The following SLC17A5 variants were observed in gnomAD, a reference collection of about 807,000 sequenced individuals.
SLC17A5 encodes solute carrier family 17 member 5, also known as sialin.
In SLC17A5, 47 loss-of-function variants were observed where a neutral mutation model predicts 59.4. The ratio of observed to expected loss-of-function variants is 0.79; its 90% CI spans 0.63 to 1.01. SLC17A5 has a LOEUF of 1.01. SLC17A5 is among the 50% of genes least tolerant of loss of function. The pLI, the probability that SLC17A5 is intolerant of heterozygous loss-of-function variation, is 0.00. For synonymous variants in SLC17A5, 202 were observed against 210.7 expected, an observed-to-expected ratio of 0.96 and a Z score of 0.36; for missense variants, 522 against 595.5, an observed-to-expected ratio of 0.88 and a Z score of 1.28.
Position 73,621,941 on chromosome 6 carries a change from G to A in SLC17A5, c.841C>T (p.Pro281Ser), listed in dbSNP as rs748755467. Residue 281 changes from proline to serine, a missense_variant, in exon 7 of 11, where the codon CCG (proline) becomes TCG (serine). This residue lies in a region of SLC17A5 where 338 missense variants were observed against 363.8 expected (regional missense o/e 0.93). Transcript: ENST00000355773. Reference protein sequence around the residue: ...RNQLSSQKSVPWVPILKSLPL... With the variant: ...RNQLSSQKSVSWVPILKSLPL... ...AGGGATTTTAAAATGGGTACCCACG[G>A]CACTGACTTCTGTGAAGAAAGCTGA... The A allele has an allele frequency of 6.2e-7, 1 of 1,613,998 alleles. No homozygotes were observed. The highest frequency in any genetic ancestry group is 8.5e-7 in the Non-Finnish European group (1 of 1,179,938).
At chr6:73,615,239 T>G in intron 8 of SLC17A5, 76 bp downstream of exon 8, 2 of 1,525,572 alleles carry the variant, frequency 1.3e-6, no homozygotes, top group Non-Finnish European at 1.8e-6. Flanking sequence ...GAAACACACT[T>G]TGTTTTCCTA....
At chr6:73,621,031 G>A (rs146822454) in intron 7 of SLC17A5, among the ~76,000 whole-genome samples, 2,211 of 133,376 alleles carry the variant, frequency 0.017, 71 homozygotes, top group African/African-American at 0.064. Context: ...TTGAGATGGA[G>A]TTTCACTCTT....
chr6:73,596,574 C>T (rs570475602), intron 10 of SLC17A5, among the ~76,000 whole-genome samples: 5 of 152,294 alleles, frequency 3.3e-5, no homozygotes, highest in Admixed American at 1.3e-4. Flanking sequence ...AAGAAACACA[C>T]GGCCGGGCGT....
At chr6:73,607,840 A>G (rs1251862547) in intron 9 of SLC17A5, among the ~76,000 whole-genome samples, 1 of 148,512 alleles carries the variant, frequency 6.7e-6, no homozygotes, top group African/African-American at 2.5e-5. Context: ...ACAGTGGCAC[A>G]ATCTTGGCTC....
intron 6 of SLC17A5, among the ~76,000 whole-genome samples, chr6:73,632,434 C>CTTTCT (rs1768783710): frequency 1.2e-5 from 1 of 86,766 alleles, no homozygotes; most frequent in Non-Finnish European, 2.3e-5. Context: ...GTAGAGAAAG[C>CTTTCT]TTTTTTTTTT....
intron 1 of SLC17A5, chr6:73,645,388 T>G (rs867849489): frequency 4.1e-6 from 4 of 985,224 alleles, no homozygotes; most frequent in Middle Eastern, 5.2e-4. Flanking sequence ...GAAGCAAACT[T>G]GCAGAACCTA....
chr6:73,630,822 G>A (rs1768667382), intron 6 of SLC17A5, among the ~76,000 whole-genome samples: 2 of 152,084 alleles, frequency 1.3e-5, no homozygotes, highest in South Asian at 2.1e-4. Flanking sequence ...GAAGGCGGGC[G>A]GATCACCTGA....
chr6:73,616,546 T>TACACACACACACACAC (rs56306141), intron 7 of SLC17A5, among the ~76,000 whole-genome samples: 17 of 126,336 alleles, frequency 1.3e-4, no homozygotes, highest in African/African-American at 5.4e-4. Context: ...GTTTATTTAC[T>TACACACACACACACAC]ACACACACAC....
chr6:73,647,793 C>A (rs1456033167), intron 1 of SLC17A5, among the ~76,000 whole-genome samples: 2 of 152,218 alleles, frequency 1.3e-5, no homozygotes, highest in Non-Finnish European at 2.9e-5. Flanking sequence ...AGCGGCCAGG[C>A]ACGGTGGCTC....
chr6:73,604,194 G>A (rs1285585109), intron 9 of SLC17A5, among the ~76,000 whole-genome samples: 1 of 151,510 alleles, frequency 6.6e-6, no homozygotes, highest in Non-Finnish European at 1.5e-5. Context: ...CAACTGCAAT[G>A]TTGCCAGCCT....
Position 73,635,603 on chromosome 6 carries a change from CAT to C in SLC17A5, c.701-105_701-104del, listed in dbSNP as rs1768957036. 1.6e-5 allele frequency: 10 copies of C among 633,350 alleles called. No individual in the cohort carries two copies. In the South Asian group the frequency reaches 1.7e-4, roughly 11 times the overall value. 39.2% of individuals were successfully genotyped at this position (633,350 alleles called of 1,614,324 possible). ...TAGAAAGCACCAACAACAATTTTTA[CAT>C]GTCTTGAAAAAATTATGTAACTATA... On this transcript the variant is annotated intron_variant, in intron 5 of 10. Coordinates refer to ENST00000355773, the MANE Select transcript of SLC17A5 (RefSeq NM_012434.5).
At chr6:73,621,698 A>T (rs1768159995) in intron 7 of SLC17A5, 106 bp downstream of exon 7, 2 of 905,686 alleles carry the variant, frequency 2.2e-6, no homozygotes, top group Non-Finnish European at 3.4e-6. Flanking sequence ...AGGACAGCAG[A>T]GTAAAATGGA....
Position 73,610,525 on chromosome 6 carries a change from G to A in SLC17A5, c.1134C>T (p.Phe378=). 1 of 1,614,088 alleles carries A rather than the reference G, an allele frequency of 6.2e-7. No individual in the cohort carries two copies. Among genetic ancestry groups the A allele is most frequent in the Non-Finnish European group, 8.5e-7 (1 of 1,180,020 alleles). ...AGCCAATGAAGCCAGCAGCTACCAG[G>A]AATACTGCAGGTCCAATCATTCCTG... ...SLIGMIGPAV[F]LVAAGFIGCD... The change falls in exon 9 of 11, where the codon TTC becomes TTT. Residue 378 remains phenylalanine, a synonymous_variant. Coordinates refer to ENST00000355773, the MANE Select transcript of SLC17A5 (RefSeq NM_012434.5).
At position 73,637,720 on chromosome 6, in the gene SLC17A5, GA is replaced by G. The variant is rs143543861; in HGVS notation, c.613+691del. ...GGCTGAAATGCTCTTCTCCCTGCAT[GA>G]ATGGTTTGTTCTTATCCTTCAGATT... On this transcript the variant is annotated intron_variant, in intron 4 of 10. Transcript: ENST00000355773. Among the ~76,000 whole-genome samples, 761 of 152,178 alleles carry G rather than the reference GA, an allele frequency of 5.0e-3. 5 individuals are homozygous for G. Among genetic ancestry groups the G allele is most frequent in the Non-Finnish European group, 8.2e-3 (555 of 68,016 alleles).
intron 4 of SLC17A5, among the ~76,000 whole-genome samples, chr6:73,636,998 G>T (rs1479163548): frequency 6.6e-6 from 1 of 151,914 alleles, no homozygotes. Context: ...AGGTTGAGGT[G>T]GGACGATCGC....
intron 10 of SLC17A5, among the ~76,000 whole-genome samples, chr6:73,598,626 T>C (rs886854118): frequency 6.6e-6 from 1 of 151,996 alleles, no homozygotes; most frequent in African/African-American, 2.4e-5. Context: ...TGAGACTTCA[T>C]CTCAAAAAGA....
chr6:73,610,674 A>T, intron 8 of SLC17A5, 127 bp from the exon 9 acceptor site: 1 of 955,188 alleles, frequency 1.0e-6, no homozygotes, highest in South Asian at 1.5e-5. Context: ...TGCCTGGAAG[A>T]CTAACAAATT....
chr6:73,624,768 G>A (rs112920442), intron 6 of SLC17A5, among the ~76,000 whole-genome samples: 24,532 of 151,940 alleles, frequency 0.16, 3,028 homozygotes, highest in African/African-American at 0.34. Flanking sequence ...AGCTACTTGG[G>A]AGGCTGAGGC....
At chr6:73,632,984 A>T (rs1217580106) in intron 6 of SLC17A5, among the ~76,000 whole-genome samples, 3 of 151,858 alleles carry the variant, frequency 2.0e-5, no homozygotes, top group Non-Finnish European at 4.4e-5. Context: ...AAACTTTCAA[A>T]GTAACTTAAC....
Sources: allele counts gnomAD v4.1 joint callset (sites outside exome capture counted in the v4.1 genomes callset), GRCh38; gene constraint gnomAD v4.1.1; regional missense constraint gnomAD v4.1.1; transcripts MANE v1.5; gene names NCBI Gene and HGNC (gene_info 2026-07-23, HGNC 2026-07-21).